Variants in B3GALT1 observed in about 807,000 individuals in gnomAD.
B3GALT1 encodes the protein UDP-Gal:betaGlcNAc beta 1,3-galactosyltransferase, polypeptide 1.
Under a neutral mutation model 23.2 loss-of-function variants are expected in B3GALT1, and 10 were observed. The observed-to-expected ratio is 0.43, with a 90% CI of 0.27 to 0.73. The LOEUF is 0.73. B3GALT1 is among the 30% of genes least tolerant of loss of function. The pLI is 0.21. For synonymous variants in B3GALT1, 156 were observed against 141.5 expected, an observed-to-expected ratio of 1.10 and a Z score of -0.73; for missense variants, 299 against 405.4, an observed-to-expected ratio of 0.74 and a Z score of 2.25.
At chr2:167,441,840 C>T (rs1196748772) in intron 1 of B3GALT1, among the ~76,000 whole-genome samples, 1 of 151,374 alleles carries the variant, frequency 6.6e-6, no homozygotes, top group Non-Finnish European at 1.5e-5. Flanking sequence ...CCAGGCCAGA[C>T]AGCATAGCAA....
At chr2:167,420,637 C>A (rs1054402155) in intron 1 of B3GALT1, among the ~76,000 whole-genome samples, 1 of 152,162 alleles carries the variant, frequency 6.6e-6, no homozygotes, top group Non-Finnish European at 1.5e-5. Context: ...ATTTAAATTA[C>A]CTCATGCCTA....
chr2:167,769,827 G>A (rs1008075988), intron 3 of B3GALT1, among the ~76,000 whole-genome samples: 1 of 152,120 alleles, frequency 6.6e-6, no homozygotes, highest in African/African-American at 2.4e-5. Context: ...GGGACATTGG[G>A]TTTTTGCCAG....
chr2:167,509,270 C>T (rs1426219191), intron 2 of B3GALT1, among the ~76,000 whole-genome samples: 1 of 152,168 alleles, frequency 6.6e-6, no homozygotes, highest in Non-Finnish European at 1.5e-5. Context: ...AATTGACCCT[C>T]ATGCATAGTA....
At chr2:167,408,073 GACAC>G (rs1559087456) in intron 1 of B3GALT1, among the ~76,000 whole-genome samples, 2 of 85,166 alleles carry the variant, frequency 2.3e-5, no homozygotes, top group African/African-American at 9.5e-5. Flanking sequence ...CACACACACA[GACAC>G]ACAAAACTAC....
intron 1 of B3GALT1, among the ~76,000 whole-genome samples, chr2:167,356,699 G>C (rs987465757): frequency 6.6e-6 from 1 of 151,900 alleles, no homozygotes; most frequent in Non-Finnish European, 1.5e-5. Context: ...CTTGGCTTCA[G>C]GGTAAATGCT....
intron 1 of B3GALT1, among the ~76,000 whole-genome samples, chr2:167,363,150 C>T (rs914897449): frequency 3.3e-5 from 5 of 151,848 alleles, no homozygotes; most frequent in African/African-American, 7.2e-5. Context: ...CCACCACGCC[C>T]GGCCTAAGGC....
chr2:167,293,666 G>A (rs1210260335), intron 1 of B3GALT1, among the ~76,000 whole-genome samples: 1 of 152,156 alleles, frequency 6.6e-6, no homozygotes, highest in African/African-American at 2.4e-5. Context: ...CCCAAGCTGG[G>A]CTGGAGTGAG....
chr2:167,579,798 G>A (rs955277527), intron 2 of B3GALT1, among the ~76,000 whole-genome samples: 2 of 151,878 alleles, frequency 1.3e-5, no homozygotes, highest in Non-Finnish European at 2.9e-5. Flanking sequence ...GAGAAGGCAG[G>A]GATTAGATTT....
At chr2:167,426,361 G>T (rs749141302) in intron 1 of B3GALT1, among the ~76,000 whole-genome samples, 5 of 149,692 alleles carry the variant, frequency 3.3e-5, no homozygotes, top group Non-Finnish European at 5.9e-5. Flanking sequence ...TACAACCTCC[G>T]CCTCCTGGGT....
intron 3 of B3GALT1, among the ~76,000 whole-genome samples, chr2:167,793,673 C>A (rs1386900706): frequency 2.6e-5 from 4 of 152,120 alleles, no homozygotes; most frequent in Admixed American, 6.5e-5. Flanking sequence ...TTTGGAGACT[C>A]GGGAGATAAA....
intron 4 of B3GALT1, among the ~76,000 whole-genome samples, chr2:167,868,053 G>C (rs540605349): frequency 1.3e-5 from 2 of 152,204 alleles, no homozygotes; most frequent in African/African-American, 4.8e-5. Flanking sequence ...GAACACATGG[G>C]TGAATGGTTG....
chr2:167,743,017 C>T (rs990000886), intron 3 of B3GALT1, among the ~76,000 whole-genome samples: 1 of 152,090 alleles, frequency 6.6e-6, no homozygotes, highest in Non-Finnish European at 1.5e-5. Flanking sequence ...AAAACCATAT[C>T]ATACTACATA....
intron 1 of B3GALT1, among the ~76,000 whole-genome samples, chr2:167,314,126 A>G (rs1696674195): frequency 6.6e-6 from 1 of 152,086 alleles, no homozygotes; most frequent in South Asian, 2.1e-4. Flanking sequence ...AACATTTTCA[A>G]ATGCTCCCTA....
intron 1 of B3GALT1, among the ~76,000 whole-genome samples, chr2:167,365,734 AAAG>A (rs1173486801): frequency 3.9e-5 from 6 of 152,272 alleles, no homozygotes; most frequent in African/African-American, 1.4e-4. Context: ...GGATATAAAA[AAAG>A]ATGGTCCTAA....
chr2:167,333,160 A>G (rs1248828545), intron 1 of B3GALT1, among the ~76,000 whole-genome samples: 1 of 152,232 alleles, frequency 6.6e-6, no homozygotes, highest in Non-Finnish European at 1.5e-5. Context: ...ACTCACAAGG[A>G]CAAAAACAAA....
intron 2 of B3GALT1, among the ~76,000 whole-genome samples, chr2:167,538,740 T>C (rs149332587): frequency 2.0e-3 from 309 of 152,348 alleles, no homozygotes; most frequent in African/African-American, 7.0e-3. Flanking sequence ...GTTTAGAACA[T>C]TATATAAATC....
chr2:167,402,874 A>G (rs1036075725), intron 1 of B3GALT1, among the ~76,000 whole-genome samples: 1 of 152,198 alleles, frequency 6.6e-6, no homozygotes, highest in Non-Finnish European at 1.5e-5. Context: ...GAATGTTTCA[A>G]TAATGCAATC....
intron 1 of B3GALT1, among the ~76,000 whole-genome samples, chr2:167,461,882 A>G (rs896944530): frequency 6.6e-6 from 1 of 152,180 alleles, no homozygotes; most frequent in Admixed American, 6.5e-5. Context: ...TCAAATATGT[A>G]CCTATGTGTA....
intron 1 of B3GALT1, among the ~76,000 whole-genome samples, chr2:167,316,151 A>C (rs1229214739): frequency 6.6e-6 from 1 of 151,312 alleles, no homozygotes. Flanking sequence ...TATTTGGTGC[A>C]AAAGGTGCCA....
Sources: gnomAD v4.1 joint callset for allele counts (sites outside exome capture counted in the v4.1 genomes callset) on GRCh38, gnomAD v4.1.1 for gene constraint, MANE v1.5 for transcripts, NCBI Gene and HGNC (gene_info 2026-07-23, HGNC 2026-07-21) for gene names.